TNK2: variants seen among roughly 807,000 people sequenced by gnomAD.
TNK2 encodes the protein tyrosine kinase non receptor 2, also known as activated CDC42 kinase 1.
A neutral mutation model predicts 101.8 loss-of-function variants in TNK2; 83 were observed. The ratio of observed to expected loss-of-function variants is 0.82; its 90% CI spans 0.68 to 0.98. The LOEUF (loss-of-function observed/expected upper bound fraction) is 0.98, where lower values mean the gene tolerates loss of function less well. TNK2 is among the 50% of genes least tolerant of loss of function. The probability of loss-of-function intolerance (pLI) is 0.00; values close to 1 mark genes in which losing one functional copy is unlikely to be tolerated. For missense variants in TNK2, 1,665 were observed against 1,483.2 expected, an observed-to-expected ratio of 1.12 and a Z score of -2.01; for synonymous variants, 804 against 633.0, an observed-to-expected ratio of 1.27 and a Z score of -4.06.
intron 9 of TNK2, among the ~76,000 whole-genome samples, chr3:195,876,957 G>A (rs1749736383): frequency 6.6e-6 from 1 of 152,170 alleles, no homozygotes; most frequent in Non-Finnish European, 1.5e-5. Flanking sequence ...TAAAGATCTG[G>A]GGCTCCGGCA....
chr3:195,873,427 G>A (rs1035001709), intron 9 of TNK2, among the ~76,000 whole-genome samples: 1 of 133,412 alleles, frequency 7.5e-6, no homozygotes, highest in Non-Finnish European at 1.6e-5. Flanking sequence ...GCAGGCGGGG[G>A]CGGTGAGAGC....
In TNK2 at chr3:195,864,063, C is replaced by G; in HGVS notation, c.*118G>C. The G allele has an allele frequency of 3.5e-6, 5 of 1,429,670 alleles. No individual in the cohort carries two copies. The highest frequency in any genetic ancestry group is 4.9e-6 in the Non-Finnish European group (5 of 1,026,038). 88.6% of individuals were successfully genotyped at this position (1,429,670 alleles called of 1,614,324 possible). On this transcript the variant is annotated 3_prime_UTR_variant, in exon 16 of 16. Transcript: ENST00000672887. ...CGCAGCCTTGGCCTTGCTCCATCCC[C>G]GGGAGCAGCAGGAGCAGCGGGTCCT...
Position 195,887,001 on chromosome 3 carries a change from G to A in TNK2, c.210C>T (p.Cys70=), listed in dbSNP as rs775981758. ...WEAVKRRKAL[C]KRKSWMSKVF... ...CCTTACTCATCCACGACTTGCGTTT[G>A]CACAAGGCCTTCCTCCTCTTCACAG... Residue 70 remains cysteine (C), a synonymous_variant, in exon 3 of 16, where the codon TGC becomes TGT. Transcript: ENST00000672887. 1 of 1,541,414 alleles carries A rather than the reference G, an allele frequency of 6.5e-7. No individual in the cohort carries two copies. The highest frequency in any genetic ancestry group is 8.8e-7 in the Non-Finnish European group (1 of 1,135,450).
chr3:195,897,810 ACCCCCCCACCC>A (rs57692480), intron 1 of TNK2, among the ~76,000 whole-genome samples: 2,554 of 26,166 alleles, frequency 0.098, 37 homozygotes, highest in African/African-American at 0.22. Context: ...CCACCCCCTC[ACCCCCCCACCC>A]CCCCCCCACC....
At chr3:195,900,592 T>C (rs1325026535) in intron 1 of TNK2, among the ~76,000 whole-genome samples, 2 of 152,214 alleles carry the variant, frequency 1.3e-5, no homozygotes, top group Non-Finnish European at 2.9e-5. Context: ...AATGTGCTCC[T>C]GGACCATCGC....
Position 195,878,452 on chromosome 3 carries a change from C to G in TNK2, c.1155G>C (p.Leu385=). 6.2e-7 allele frequency: 1 copy of G among 1,614,006 alleles called. No homozygotes were observed. Among genetic ancestry groups the G allele is most frequent in the Non-Finnish European group, 8.5e-7 (1 of 1,180,024 alleles). Residue 385 remains leucine, a synonymous_variant, in exon 8 of 16, where the codon CTG becomes CTC. Coordinates refer to ENST00000672887, the MANE Select transcript of TNK2 (RefSeq NM_001382273.1). This position sits in a 1 kb window ranked among gnomAD's most constrained non-coding sequence, Gnocchi z 4.7. The part of the protein sequence containing the change: ...RPTFVALRDF[L]LEAQPTDMRA... ...GGGCTGACCTGTCCCTCACCTCCAG[C>G]AGGAAGTCCCGCAGGGCCACAAACG...
chr3:195,869,392 C>A, intron 12 of TNK2, 105 bp downstream of exon 12: 2 of 1,064,402 alleles, frequency 1.9e-6, no homozygotes, highest in East Asian at 2.6e-5. Context: ...CACACCCACC[C>A]ACCTCCCCTC....
At position 195,868,642 on chromosome 3, in the gene TNK2, C is replaced by T. The variant is rs149663605; in HGVS notation, c.1656G>A (p.Leu552=). The change falls in exon 13 of 16, where the codon CTG becomes CTA. Residue 552 remains leucine, a synonymous_variant. Transcript: ENST00000672887. ...GCCCTCGGGGCAGGCCTGGCTTCCG[C>T]AGGCCCAGCCTCTTGAAGTCGCTGG... The part of the protein sequence containing the change: ...PLSSDFKRLG[L]RKPGLPRGLW... 0.013 allele frequency: 20,112 copies of T among 1,593,870 alleles called. 175 individuals are homozygous for T. Among genetic ancestry groups the T allele is most frequent in the Middle Eastern group, 0.033 (197 of 5,982 alleles).
At chr3:195,868,910 T>G in intron 12 of TNK2, 2 of 600,070 alleles carry the variant, frequency 3.3e-6, no homozygotes, top group Non-Finnish European at 5.6e-6. Flanking sequence ...GAACCTGCTC[T>G]GCCCGGCAGC....
At chr3:195,864,592 G>A (rs978433620) in intron 15 of TNK2, among the ~76,000 whole-genome samples, 8 of 145,962 alleles carry the variant, frequency 5.5e-5, no homozygotes, top group African/African-American at 1.3e-4. Flanking sequence ...AGAACCACCC[G>A]AGACAGTGAC....
At chr3:195,892,554 C>T in intron 1 of TNK2, 2 of 1,518,528 alleles carry the variant, frequency 1.3e-6, no homozygotes, top group South Asian at 1.2e-5. Flanking sequence ...CGGAGCTTCG[C>T]ACTCTGCCCA....
Position 195,888,318 on chromosome 3 carries a change from A to G in TNK2, c.163+108T>C. The G allele has an allele frequency of 3.3e-6, 4 of 1,220,426 alleles. No individual in the cohort carries two copies. Among genetic ancestry groups the G allele is most frequent in the Non-Finnish European group, 4.7e-6 (4 of 858,092 alleles). The allele number at this position is 1,220,426 out of a possible 1,614,324, so 75.6% of individuals were successfully genotyped here. A position where few individuals can be genotyped will look rare whatever the true frequency, so the allele number is the denominator to read the frequency against. On this transcript the variant is annotated intron_variant, in intron 2 of 15. Coordinates refer to ENST00000672887, the MANE Select transcript of TNK2 (RefSeq NM_001382273.1). This position sits in a 1 kb window ranked among gnomAD's most constrained non-coding sequence, Gnocchi z 5.3. The stretch of plus-strand genomic sequence containing the variant: ...CTACTGATGTCCCTCCTGCTCCCTC[A>G]GGGCTCTGGGACAGAGTTCTCAGCT...
chr3:195,902,732 T>C (rs1398869020), intron 1 of TNK2, among the ~76,000 whole-genome samples: 2 of 149,910 alleles, frequency 1.3e-5, no homozygotes, highest in African/African-American at 2.5e-5. Context: ...GAAAAACCTA[T>C]AGCTAATACC....
chr3:195,871,330 T>C (rs1339219999), intron 10 of TNK2, among the ~76,000 whole-genome samples: 3 of 152,054 alleles, frequency 2.0e-5, no homozygotes, highest in Non-Finnish European at 4.4e-5. Flanking sequence ...GAGTACTGTG[T>C]GGTGGGGAGG....
chr3:195,886,989 C>T lies in TNK2; in HGVS notation c.222G>A (p.Ser74=), dbSNP rs779149820. The change falls in exon 3 of 16, where the codon TCG becomes TCA. Residue 74 remains serine, a synonymous_variant. Transcript: ENST00000672887. This position sits in a 1 kb window ranked among gnomAD's most constrained non-coding sequence, Gnocchi z 4.2. ...CCTCCTCACCCACCTTACTCATCCA[C>T]GACTTGCGTTTGCACAAGGCCTTCC... ...KRRKALCKRK[S]WMSKVFSGKR... 25 of 1,613,950 alleles carry T rather than the reference C, an allele frequency of 1.5e-5. No individual in the cohort carries two copies. The highest frequency in any genetic ancestry group is 1.3e-4 in the East Asian group (6 of 44,890).
chr3:195,867,234 C>G lies in TNK2; in HGVS notation c.2968G>C (p.Glu990Gln). 1 of 1,613,014 alleles carries G rather than the reference C, an allele frequency of 6.2e-7. No individual in the cohort carries two copies. The highest frequency in any genetic ancestry group is 1.7e-4 in the Middle Eastern group (1 of 6,054). ...LQAMVHGVTT[E>Q]ECQAALQCHG... ...CACTGCAGGGCCGCCTGGCACTCCT[C>G]TGTGGTCACCCCATGCACCATGGCC... The change falls in exon 14 of 16, where the codon GAG (glutamate) becomes CAG (glutamine). Residue 990 changes from glutamate (E) to glutamine (Q), a missense_variant. Transcript: ENST00000672887.
In TNK2 at chr3:195,868,359, G is replaced by A. The variant is rs778803763; in HGVS notation, c.1939C>T (p.Pro647Ser). Reference sequence around the variant, plus strand: ...TGGGCCACGTCGTCATAGGCGGGCGGGGGGGGCAGCGGGCGTGCGTCCCAG... The same window carrying A: ...TGGGCCACGTCGTCATAGGCGGGCGAGGGGGGCAGCGGGCGTGCGTCCCAG... ...VDWDARPLPPPPAYDDVAQDE... is the reference protein window; with the variant it reads ...VDWDARPLPPSPAYDDVAQDE... Residue 647 changes from proline to serine, a missense_variant, in exon 13 of 16, where the codon CCG becomes TCG. Physicochemically the swap from Pro to Ser is moderately conservative, Grantham distance 74. Transcript: ENST00000672887. 5.0e-6 allele frequency: 8 copies of A among 1,598,572 alleles called. No homozygotes were observed. The highest frequency in any genetic ancestry group is 1.7e-5 in the Admixed American group (1 of 59,698).
rs71617327 is a variant in TNK2 at position 195,875,106 on chromosome 3, A to G, written c.1257-2636T>C. Among the ~76,000 whole-genome samples, 6 of 2,838 alleles carry G rather than the reference A, an allele frequency of 2.1e-3. 1 individual carries two copies. Among genetic ancestry groups the G allele is most frequent in the East Asian group, 0.015 (1 of 68 alleles). 1.9% of individuals were successfully genotyped at this position (2,838 alleles called of 152,430 possible). A position where few individuals can be genotyped will look rare whatever the true frequency, so the allele number is the denominator to read the frequency against. ...GCGCCCACGCACACTCCGAGGCACA[A>G]GAAGCTCCCCTCGGGATGGCGCCCA... On this transcript the variant is annotated intron_variant, in intron 9 of 15. Coordinates refer to ENST00000672887, the MANE Select transcript of TNK2 (RefSeq NM_001382273.1).
chr3:195,876,545 C>T (rs1448341200), intron 9 of TNK2: 1 of 456,778 alleles, frequency 2.2e-6, no homozygotes, highest in African/African-American at 2.0e-5. Context: ...GCTCTGCCAC[C>T]ACCGACACCC....
Sources: gnomAD v4.1 joint callset for allele counts (sites outside exome capture counted in the v4.1 genomes callset) on GRCh38, gnomAD v4.1.1 for gene constraint, Gnocchi (gnomAD v3.1) non-coding constraint, MANE v1.5 for transcripts, NCBI Gene and HGNC (gene_info 2026-07-23, HGNC 2026-07-21) for gene names.